SOCS2: variants seen among roughly 807,000 people sequenced by gnomAD.
SOCS2 encodes CIS-2.
In SOCS2, 10 loss-of-function variants were observed where a neutral mutation model predicts 18.6. The ratio of observed to expected loss-of-function variants is 0.54; its 90% CI spans 0.33 to 0.91. The LOEUF is 0.91. Ranked by LOEUF, SOCS2 falls within the 40% of genes least tolerant of loss-of-function variation. SOCS2 has a pLI of 0.02. For missense variants in SOCS2, 231 were observed against 247.2 expected (o/e 0.93, Z 0.44); for synonymous variants, 104 against 104.0 (o/e 1.00, Z 0.00).
chr12:93,579,892 A>G (rs775904094), downstream of SOCS2, among the ~76,000 whole-genome samples: 98 of 152,226 alleles, frequency 6.4e-4, no homozygotes, highest in Middle Eastern at 3.2e-3. Context: ...GCATTTGTAA[A>G]GATAAAACTA....
chr12:93,607,310 C>A, the SOCS2 span, among the ~76,000 whole-genome samples: 1 of 152,286 alleles, frequency 6.6e-6, no homozygotes, highest in African/African-American at 2.4e-5. Context: ...ATCCTCCAAC[C>A]ACTGGCATCT....
chr12:93,593,317 G>A, the SOCS2 span, among the ~76,000 whole-genome samples: 1 of 152,190 alleles, frequency 6.6e-6, no homozygotes, highest in Admixed American at 6.5e-5. Context: ...CAGAAACACA[G>A]CATCTTCTTT....
chr12:93,614,091 T>G, the SOCS2 span, among the ~76,000 whole-genome samples: 1 of 152,170 alleles, frequency 6.6e-6, no homozygotes, highest in Non-Finnish European at 1.5e-5. Flanking sequence ...AGCCATTTTT[T>G]TTTTTTCATT....
the SOCS2 span, among the ~76,000 whole-genome samples, chr12:93,610,533 C>T: frequency 6.6e-6 from 1 of 152,122 alleles, no homozygotes; most frequent in Admixed American, 6.5e-5. Context: ...CCTCCAAAGT[C>T]CATATGTTGA....
At chr12:93,587,534 A>G (rs573309201), downstream of SOCS2, among the ~76,000 whole-genome samples, 6 of 151,934 alleles carry the variant, frequency 3.9e-5, no homozygotes, top group Non-Finnish European at 8.8e-5. Flanking sequence ...ACAAAAAAGT[A>G]GCCGGGCGTG....
chr12:93,603,060 G>A, the SOCS2 span, among the ~76,000 whole-genome samples: 2 of 152,146 alleles, frequency 1.3e-5, no homozygotes, highest in East Asian at 1.9e-4. Flanking sequence ...GTCCACTGCC[G>A]AACCTTGGTC....
In SOCS2 at chr12:93,576,580, A is replaced by G. The variant is rs1167794362; in HGVS notation, c.*1401A>G. 3 of 152,244 alleles carry G rather than the reference A, an allele frequency of 2.0e-5. No homozygotes were observed. Among genetic ancestry groups the G allele is most frequent in the African/African-American group, 7.2e-5 (3 of 41,464 alleles). The allele number at this position is 152,244 out of a possible 1,614,324, so 9.4% of individuals were successfully genotyped here. A position where few individuals can be genotyped will look rare whatever the true frequency, so the allele number is the denominator to read the frequency against. On this transcript the variant is annotated 3_prime_UTR_variant, in exon 2 of 2. Coordinates refer to ENST00000551556, the MANE Select transcript of SOCS2 (RefSeq NM_001270471.2). ...CTTATTTTTTGCTATGTTAGTCTGC[A>G]TAACTGTTATAAATGTACCATCTTT...
the SOCS2 span, among the ~76,000 whole-genome samples, chr12:93,622,898 G>C: frequency 6.6e-6 from 1 of 152,156 alleles, no homozygotes; most frequent in Non-Finnish European, 1.5e-5. Context: ...TGGAAGGTTT[G>C]AGCCATGACT....
the SOCS2 span, among the ~76,000 whole-genome samples, chr12:93,625,834 A>C: frequency 2.0e-5 from 3 of 151,884 alleles, no homozygotes; most frequent in African/African-American, 7.3e-5. Context: ...CTCTCTTAGC[A>C]CATTGTGTTG....
the SOCS2 span, among the ~76,000 whole-genome samples, chr12:93,619,388 C>T: frequency 6.6e-6 from 1 of 152,122 alleles, no homozygotes; most frequent in East Asian, 1.9e-4. Flanking sequence ...AGGGCAGGAT[C>T]GGAGCAAACA....
At chr12:93,579,712 A>G (rs1347288445), downstream of SOCS2, among the ~76,000 whole-genome samples, 2 of 152,188 alleles carry the variant, frequency 1.3e-5, no homozygotes, top group Non-Finnish European at 2.9e-5. Context: ...CTATGGTAAT[A>G]AAGGTAACAA....
chr12:93,584,315 C>T (rs946703483), downstream of SOCS2, among the ~76,000 whole-genome samples: 1 of 152,154 alleles, frequency 6.6e-6, no homozygotes, highest in Non-Finnish European at 1.5e-5. Context: ...AGATAACAAC[C>T]TATTTTCAGT....
the SOCS2 span, among the ~76,000 whole-genome samples, chr12:93,594,770 A>C: frequency 6.6e-6 from 1 of 152,194 alleles, no homozygotes; most frequent in Non-Finnish European, 1.5e-5. Context: ...CAGCTCTCGA[A>C]CACTGGGAGT....
chr12:93,584,364 A>G (rs1954570874), downstream of SOCS2, among the ~76,000 whole-genome samples: 1 of 152,230 alleles, frequency 6.6e-6, no homozygotes, highest in African/African-American at 2.4e-5. Flanking sequence ...CATTTTGATT[A>G]AATTAGATTT....
chr12:93,623,742 T>A, the SOCS2 span, among the ~76,000 whole-genome samples: 1 of 152,210 alleles, frequency 6.6e-6, no homozygotes, highest in African/African-American at 2.4e-5. Flanking sequence ...GGTCTCGCTC[T>A]GCTGCCCACG....
the SOCS2 span, among the ~76,000 whole-genome samples, chr12:93,612,658 T>C: frequency 0.13 from 20,048 of 152,188 alleles, 2,048 homozygotes; most frequent in East Asian, 0.29. Context: ...GGAATTGTAT[T>C]GTTTTTTTCC....
chr12:93,614,371 T>G, the SOCS2 span, among the ~76,000 whole-genome samples: 1 of 55,212 alleles, frequency 1.8e-5, no homozygotes, highest in African/African-American at 4.4e-5. Flanking sequence ...CCTTCTTTCT[T>G]TCTTTCTTTC....
chr12:93,623,779 A>T, the SOCS2 span, among the ~76,000 whole-genome samples: 1 of 151,978 alleles, frequency 6.6e-6, no homozygotes, highest in Non-Finnish European at 1.5e-5. Context: ...ATCTCAGCTC[A>T]CTGCAACCTC....
the SOCS2 span, among the ~76,000 whole-genome samples, chr12:93,603,803 A>G: frequency 6.6e-6 from 1 of 152,148 alleles, no homozygotes; most frequent in Non-Finnish European, 1.5e-5. Flanking sequence ...TCAGAGTATG[A>G]GCAAGCTCCA....
Sources: allele counts gnomAD v4.1 joint callset (sites outside exome capture counted in the v4.1 genomes callset), GRCh38; gene constraint gnomAD v4.1.1; transcripts MANE v1.5; gene names NCBI Gene and HGNC (gene_info 2026-07-23, HGNC 2026-07-21).